The following SOS2 variants were observed in gnomAD, a reference collection of about 807,000 sequenced individuals.
SOS2 encodes SOS Ras/Rho guanine nucleotide exchange factor 2, also known as son of sevenless homolog 2.
A neutral mutation model predicts 148.2 loss-of-function variants in SOS2; 65 were observed. The ratio of observed to expected loss-of-function variants is 0.44; its 90% CI spans 0.36 to 0.54. The LOEUF (loss-of-function observed/expected upper bound fraction) is 0.54, where lower values mean the gene tolerates loss of function less well. SOS2 is among the 20% of genes least tolerant of loss of function. The pLI, the probability that SOS2 is intolerant of heterozygous loss-of-function variation, is 0.00. For synonymous variants in SOS2, 539 were observed against 537.1 expected, an observed-to-expected ratio of 1.00 and a Z score of -0.05; for missense variants, 1,341 against 1,590.2, an observed-to-expected ratio of 0.84 and a Z score of 2.67.
At chr14:50,207,292 C>G (rs978385481) in intron 1 of SOS2, among the ~76,000 whole-genome samples, 2 of 150,680 alleles carry the variant, frequency 1.3e-5, no homozygotes, top group African/African-American at 4.9e-5. Context: ...GTCAGAGGAT[C>G]GCTTGAGGCC....
At position 50,157,098 on chromosome 14, in the gene SOS2, G is replaced by C; in HGVS notation, c.1958C>G (p.Pro653Arg). 4 of 1,612,056 alleles carry C rather than the reference G, an allele frequency of 2.5e-6. No homozygotes were observed. Among genetic ancestry groups the C allele is most frequent in the Non-Finnish European group, 3.4e-6 (4 of 1,178,732 alleles). The change falls in exon 12 of 23, where the codon CCT becomes CGT. Residue 653 changes from proline to arginine, a missense_variant. Coordinates refer to ENST00000216373, the MANE Select transcript of SOS2 (RefSeq NM_006939.4). ...IERFEIPEPEPTDADKLAIEK... is the reference protein window; with the variant it reads ...IERFEIPEPERTDADKLAIEK... ...TATTGCCAATTTGTCTGCGTCAGTA[G>C]GTTCTGGCTCTGGAATTTCAAACCT...
rs751563078 is a variant in SOS2, at chr14:50,158,588, T to A, written c.1911A>T (p.Glu637Asp). Residue 637 changes from glutamate (E) to aspartate (D), a missense_variant, in exon 11 of 23, where the codon GAA (glutamate) becomes GAT (aspartate). By Grantham distance (45) the Glu-to-Asp change is conservative. Around this residue, in one of 4 missense-constraint regions of SOS2, gnomAD observed 408 missense variants for 506.6 expected, o/e 0.81. Coordinates refer to ENST00000216373, the MANE Select transcript of SOS2 (RefSeq NM_006939.4). The part of the protein sequence containing the change: ...TTYRSFCKPQ[E>D]LLSLLIERFE... Reference sequence around the variant, plus strand: ...ACCGTTCAATCAGTAAGCTCAGCAATTCCTGTGGTTTACAAAATGAACGAT... The same window carrying A: ...ACCGTTCAATCAGTAAGCTCAGCAAATCCTGTGGTTTACAAAATGAACGAT... The A allele has an allele frequency of 2.5e-6, 4 of 1,605,380 alleles. No individual in the cohort carries two copies. The highest frequency in any genetic ancestry group is 1.1e-5 in the South Asian group (1 of 89,908).
chr14:50,145,434 T>C (rs375755804), intron 15 of SOS2, 43 bp downstream of exon 15: 20 of 1,576,744 alleles, frequency 1.3e-5, no homozygotes, highest in South Asian at 2.4e-5. Flanking sequence ...TATGACTTAA[T>C]ATTATGGCTA....
At chr14:50,186,205 G>C (rs183343686) in intron 5 of SOS2, among the ~76,000 whole-genome samples, 4 of 152,124 alleles carry the variant, frequency 2.6e-5, no homozygotes, top group South Asian at 4.2e-4. Flanking sequence ...AAAAATTATA[G>C]TAGATACAGA....
At chr14:50,230,600 C>T (rs1887509160) in intron 1 of SOS2, among the ~76,000 whole-genome samples, 1 of 152,164 alleles carries the variant, frequency 6.6e-6, no homozygotes, top group African/African-American at 2.4e-5. Context: ...AGACACTGAC[C>T]AAATTTTCTA....
chr14:50,188,651 CAG>C lies in SOS2; in HGVS notation c.558_559del (p.Cys187Ter), dbSNP rs1369842393. 1 of 1,610,546 alleles carries C rather than the reference CAG, an allele frequency of 6.2e-7. No homozygotes were observed. The highest frequency in any genetic ancestry group is 8.5e-7 in the Non-Finnish European group (1 of 1,178,542). On this transcript the variant is annotated frameshift_variant, in exon 5 of 23. Coordinates refer to ENST00000216373, the MANE Select transcript of SOS2 (RefSeq NM_006939.4). LOFTEE classifies it high-confidence loss of function. ...ACCAGAAGAACTAGGTTCATCTTCA[CAG>C]AGAGAAACCAAACCTATGTCATCCT... is the stretch of plus-strand genomic sequence containing the variant.
intron 5 of SOS2, among the ~76,000 whole-genome samples, chr14:50,184,295 C>T (rs896623569): frequency 6.6e-6 from 1 of 152,100 alleles, no homozygotes; most frequent in African/African-American, 2.4e-5. Flanking sequence ...GGAAACATCA[C>T]GGGCTTTGGA....
In SOS2 at chr14:50,199,915, A is replaced by G. The variant is rs921210133; in HGVS notation, c.346-60T>C. ...TAGCACTGTCAAGTATTACACACTT[A>G]AAAAATTCCTATTTAACATCCTTGC... is the stretch of plus-strand genomic sequence containing the variant. On this transcript the variant is annotated intron_variant, in intron 3 of 22. Coordinates refer to ENST00000216373, the MANE Select transcript of SOS2 (RefSeq NM_006939.4). 7.3e-5 allele frequency: 78 copies of G among 1,066,666 alleles called. No homozygotes were observed. In the South Asian group the frequency reaches 9.7e-4, roughly 13 times the overall value. 66.1% of individuals were successfully genotyped at this position (1,066,666 alleles called of 1,614,324 possible).
At chr14:50,207,647 G>A (rs1026420641) in intron 1 of SOS2, among the ~76,000 whole-genome samples, 1 of 151,786 alleles carries the variant, frequency 6.6e-6, no homozygotes, top group African/African-American at 2.4e-5. Flanking sequence ...ATGGTGGCTC[G>A]TAATCCCAGC....
intron 1 of SOS2, 70 bp downstream of exon 1, chr14:50,231,127 C>T: frequency 1.0e-6 from 1 of 961,368 alleles, no homozygotes; most frequent in Non-Finnish European, 1.4e-6. Context: ...GTGGGAGGGA[C>T]GACCTGCTCC....
chr14:50,224,920 T>C (rs1595039754), intron 1 of SOS2, among the ~76,000 whole-genome samples: 1 of 145,072 alleles, frequency 6.9e-6, no homozygotes, highest in Middle Eastern at 3.7e-3. Context: ...AGAAATAGTG[T>C]TTGAGTTTAC....
At chr14:50,196,025 TC>T (rs2139766027) in intron 4 of SOS2, among the ~76,000 whole-genome samples, 1 of 152,036 alleles carries the variant, frequency 6.6e-6, no homozygotes, top group South Asian at 2.1e-4. Flanking sequence ...AGACTCCGTC[TC>T]AAAAAAGAAA....
chr14:50,137,684 G>A (rs1316803091), intron 18 of SOS2, among the ~76,000 whole-genome samples: 1 of 151,440 alleles, frequency 6.6e-6, no homozygotes, highest in African/African-American at 2.4e-5. Context: ...AATTTTCATG[G>A]GTACATAATA....
chr14:50,187,045 T>G lies in SOS2; in HGVS notation c.714+1452A>C, dbSNP rs559113057. ...TCTTTTTTTTGAGCCGAGGTCTTGC[T>G]CTTTTGCCCAGGCTGGAGTGCAGTG... On this transcript the variant is annotated intron_variant, in intron 5 of 22. Transcript: ENST00000216373. 3.3e-5 allele frequency among the ~76,000 whole-genome samples: 5 copies of G among 152,334 alleles called. No homozygotes were observed. The South Asian group carries it at 1.0e-3, about 32-fold the overall frequency.
At chr14:50,136,772 T>A (rs1324022642) in intron 18 of SOS2, among the ~76,000 whole-genome samples, 1 of 152,078 alleles carries the variant, frequency 6.6e-6, no homozygotes, top group Non-Finnish European at 1.5e-5. Flanking sequence ...GTATTTTTAG[T>A]GGAGACAGAG....
chr14:50,181,713 C>A (rs1015119672), intron 6 of SOS2, among the ~76,000 whole-genome samples: 17 of 152,068 alleles, frequency 1.1e-4, no homozygotes, highest in Admixed American at 3.9e-4. Context: ...TGCAAACACA[C>A]ATACATTCGT....
intron 1 of SOS2, among the ~76,000 whole-genome samples, chr14:50,223,705 T>C (rs760625655): frequency 6.6e-6 from 1 of 151,120 alleles, no homozygotes; most frequent in Admixed American, 6.6e-5. Flanking sequence ...ATTAGCTGGG[T>C]GTGGTGGCAC....
intron 4 of SOS2, among the ~76,000 whole-genome samples, chr14:50,197,210 A>G (rs940681335): frequency 6.6e-6 from 1 of 152,186 alleles, no homozygotes; most frequent in African/African-American, 2.4e-5. Flanking sequence ...ATAACAATTC[A>G]TTAGTCCATA....
At position 50,118,752 on chromosome 14, in the gene SOS2, A is replaced by G. The variant is rs1883399676; in HGVS notation, c.3591T>C (p.Asp1197=). 6.2e-7 allele frequency: 1 copy of G among 1,612,990 alleles called. No individual in the cohort carries two copies. The highest frequency in any genetic ancestry group is 8.5e-7 in the Non-Finnish European group (1 of 1,179,672). The change falls in exon 23 of 23, where the codon GAT becomes GAC. Residue 1197 remains aspartate, a synonymous_variant. Transcript: ENST00000216373. ...GCGGAGGTGGACTATGCAGAGGCCC[A>G]TCAAATGCACCAGTAGGAACAGGAA... The part of the protein sequence containing the change: ...PRVPVPTGAF[D]GPLHSPPPPP...
Sources: gnomAD v4.1 joint callset for allele counts (sites outside exome capture counted in the v4.1 genomes callset) on GRCh38, gnomAD v4.1.1 for gene constraint, gnomAD v4.1.1 regional missense constraint, MANE v1.5 for transcripts, NCBI Gene and HGNC (gene_info 2026-07-23, HGNC 2026-07-21) for gene names.